PUS10: variants seen among roughly 807,000 people sequenced by gnomAD.
PUS10 encodes tRNA pseudouridine synthase Pus10.
In PUS10, 59 loss-of-function variants were observed where a neutral mutation model predicts 75.0. The observed-to-expected ratio is 0.79, with a 90% CI of 0.64 to 0.98. The LOEUF is 0.98. PUS10 is among the 50% of genes least tolerant of loss of function. PUS10 has a pLI of 0.00. For synonymous variants in PUS10, 219 were observed against 211.6 expected (o/e 1.03, Z -0.30); for missense variants, 650 against 614.4 (o/e 1.06, Z -0.61).
intron 11 of PUS10, among the ~76,000 whole-genome samples, chr2:60,959,322 T>C (rs892541378): frequency 3.3e-5 from 5 of 152,236 alleles, no homozygotes; most frequent in Non-Finnish European, 4.4e-5. Context: ...AGGTCAGGGC[T>C]TAGGTGCATT....
At chr2:60,945,254 G>A (rs1674871322) in intron 16 of PUS10, 146 bp from the exon 17 acceptor site, 1 of 552,244 alleles carries the variant, frequency 1.8e-6, no homozygotes, top group African/African-American at 1.9e-5. Flanking sequence ...TAAAAAATAA[G>A]CTTTGGCAAT....
intron 4 of PUS10, among the ~76,000 whole-genome samples, chr2:61,000,559 A>T (rs978631010): frequency 6.6e-5 from 10 of 152,114 alleles, no homozygotes; most frequent in Admixed American, 6.5e-4. Flanking sequence ...CTAGCTTCAG[A>T]AGAACATCTG....
intron 9 of PUS10, among the ~76,000 whole-genome samples, chr2:60,962,262 T>C (rs1245335804): frequency 1.3e-5 from 2 of 152,180 alleles, no homozygotes; most frequent in African/African-American, 2.4e-5. Flanking sequence ...TACCCTCTTC[T>C]AAAAGATCAA....
intron 1 of PUS10, among the ~76,000 whole-genome samples, chr2:61,012,790 C>T (rs1195325833): frequency 4.8e-5 from 6 of 123,826 alleles, no homozygotes; most frequent in African/African-American, 1.3e-4. Flanking sequence ...GCCGAGATTG[C>T]GCCATTGCAC....
intron 4 of PUS10, among the ~76,000 whole-genome samples, chr2:60,973,674 G>T (rs567062571): frequency 9.2e-5 from 14 of 152,386 alleles, no homozygotes; most frequent in Non-Finnish European, 1.6e-4. Flanking sequence ...GAGGCAGAGA[G>T]GTTCCTGGGC....
At chr2:61,017,750 G>A (rs1342966151) in intron 1 of PUS10, 3 of 1,548,704 alleles carry the variant, frequency 1.9e-6, no homozygotes, top group Non-Finnish European at 1.7e-6. Flanking sequence ...GCCGAGAGGA[G>A]GCGGAGGAGA....
intron 2 of PUS10, among the ~76,000 whole-genome samples, chr2:61,011,354 A>G (rs185330928): frequency 9.8e-4 from 150 of 152,346 alleles, no homozygotes; most frequent in African/African-American, 3.3e-3. Flanking sequence ...TATAAACACA[A>G]CTGGTAATAC....
chr2:61,008,039 T>C (rs1679349435), intron 3 of PUS10, among the ~76,000 whole-genome samples: 1 of 150,986 alleles, frequency 6.6e-6, no homozygotes, highest in Non-Finnish European at 1.5e-5. Flanking sequence ...ATTGCGCCAC[T>C]GTGCTCCGGC....
At position 60,965,274 on chromosome 2, in the gene PUS10, A is replaced by G. The variant is rs960078717; in HGVS notation, c.677+149T>C. On this transcript the variant is annotated intron_variant, in intron 7 of 17. Transcript: ENST00000316752. ...GCCCAGGAACTATGTTCAAGGACAC[A>G]TTTTATTTTTTTGAGGGCACATTTT... 5.1e-6 allele frequency: 5 copies of G among 987,708 alleles called. No homozygotes were observed. The Admixed American group carries it at 6.4e-5, about 13-fold the overall frequency. 61.2% of individuals were successfully genotyped at this position (987,708 alleles called of 1,614,324 possible).
chr2:60,992,084 T>A (rs1350966859), intron 4 of PUS10, among the ~76,000 whole-genome samples: 1 of 151,848 alleles, frequency 6.6e-6, no homozygotes, highest in South Asian at 2.1e-4. Flanking sequence ...CGATCTCAGC[T>A]AACTGCAACC....
rs775647786 is a variant in PUS10 at position 60,954,056 on chromosome 2, G to A, written c.1134+26C>T. On this transcript the variant is annotated intron_variant, in intron 13 of 17. Coordinates refer to ENST00000316752, the MANE Select transcript of PUS10 (RefSeq NM_144709.4). ...AGTTACAGAATTGCAGAAACATGAC[G>A]ATTTCCATGGCATGAAGTGGTTTAC... The A allele has an allele frequency of 6.2e-6, 10 of 1,611,044 alleles. No individual in the cohort carries two copies. In the East Asian group the frequency reaches 6.7e-5, roughly 11 times the overall value.
At chr2:61,017,915 G>A in intron 1 of PUS10, 93 bp downstream of exon 1, 1 of 1,479,342 alleles carries the variant, frequency 6.8e-7, no homozygotes, top group Non-Finnish European at 9.2e-7. Context: ...GCAGGAGGCG[G>A]TTGTAGCGGT....
intron 1 of PUS10, among the ~76,000 whole-genome samples, chr2:61,015,737 G>A (rs1679930979): frequency 6.6e-6 from 1 of 152,036 alleles, no homozygotes; most frequent in Non-Finnish European, 1.5e-5. Context: ...TCAAGGTCAA[G>A]TCATTACTAT....
chr2:60,951,844 C>T (rs1280508341), intron 15 of PUS10, among the ~76,000 whole-genome samples: 1 of 152,212 alleles, frequency 6.6e-6, no homozygotes. Flanking sequence ...AAACCTTTTC[C>T]TGTGTCAATA....
In PUS10 at chr2:60,945,078, G is replaced by C. The variant is rs151124462; in HGVS notation, c.1482C>G (p.Phe494Leu). 46 of 1,613,732 alleles carry C rather than the reference G, an allele frequency of 2.9e-5. No homozygotes were observed. Among genetic ancestry groups the C allele is most frequent in the Non-Finnish European group, 3.8e-5 (45 of 1,179,776 alleles). The change falls in exon 17 of 18, where the codon TTC becomes TTG. Residue 494 changes from phenylalanine to leucine, a missense_variant. Physicochemically the swap from Phe to Leu is conservative, Grantham distance 22. Coordinates refer to ENST00000316752, the MANE Select transcript of PUS10 (RefSeq NM_144709.4). Reference sequence around the variant, plus strand: ...ACCCAATGTTTGGCTTGGTTCTCCCGAAGTCTCCATGTACAAACTCTTTAA... The same window carrying C: ...ACCCAATGTTTGGCTTGGTTCTCCCCAAGTCTCCATGTACAAACTCTTTAA... ...TYIKEFVHGDFGRTKPNIGSL... is the reference protein window; with the variant it reads ...TYIKEFVHGDLGRTKPNIGSL...
chr2:60,971,737 G>A (rs1676675821), intron 4 of PUS10, among the ~76,000 whole-genome samples, 180 bp from the exon 5 acceptor site: 1 of 152,088 alleles, frequency 6.6e-6, no homozygotes, highest in Non-Finnish European at 1.5e-5. Flanking sequence ...TCAAAAATGA[G>A]GTAAGATTTT....
chr2:61,015,690 C>T (rs1679926176), intron 1 of PUS10, among the ~76,000 whole-genome samples: 1 of 152,166 alleles, frequency 6.6e-6, no homozygotes, highest in Non-Finnish European at 1.5e-5. Context: ...CAGAGCGAGA[C>T]TCCATCTCAA....
At chr2:60,973,695 A>G (rs1022302184) in intron 4 of PUS10, among the ~76,000 whole-genome samples, 11 of 152,246 alleles carry the variant, frequency 7.2e-5, no homozygotes, top group African/African-American at 2.7e-4. Flanking sequence ...AGAAAGCGGC[A>G]GGTCCACAGT....
In PUS10 at chr2:60,965,041, C is replaced by T. The variant is rs545621232; in HGVS notation, c.723+17G>A. 1.9e-6 allele frequency: 3 copies of T among 1,611,660 alleles called. No homozygotes were observed. Among genetic ancestry groups the T allele is most frequent in the South Asian group, 2.2e-5 (2 of 90,798 alleles). ...ACAAAACTCACTCAAGACTAAGAAG[C>T]GGGAACCTTTCCTTACCTGTTTGTT... is the stretch of plus-strand genomic sequence containing the variant. On this transcript the variant is annotated intron_variant, in intron 8 of 17. Transcript: ENST00000316752.
Sources: allele counts gnomAD v4.1 joint callset (sites outside exome capture counted in the v4.1 genomes callset), GRCh38; gene constraint gnomAD v4.1.1; transcripts MANE v1.5; gene names NCBI Gene and HGNC (gene_info 2026-07-23, HGNC 2026-07-21).